SUSD4: variants seen among roughly 807,000 people sequenced by gnomAD.
The protein encoded by SUSD4 is sushi domain-containing protein 4.
In SUSD4, 41 loss-of-function variants were observed where a neutral mutation model predicts 50.5. That is an observed-to-expected ratio of 0.81 (90% CI 0.63 to 1.05). SUSD4 has a LOEUF of 1.05. Among genes scored for constraint, SUSD4 ranks in the 50% least tolerant of loss-of-function variants. The pLI, the probability that SUSD4 is intolerant of heterozygous loss-of-function variation, is 0.00. For synonymous variants in SUSD4, 257 were observed against 257.3 expected, an observed-to-expected ratio of 1.00 and a Z score of 0.01; for missense variants, 580 against 634.7, an observed-to-expected ratio of 0.91 and a Z score of 0.93.
chr1:223,359,629 A>G (rs1204508264), intron 2 of SUSD4, among the ~76,000 whole-genome samples: 15 of 152,228 alleles, frequency 9.9e-5, no homozygotes, highest in Non-Finnish European at 7.3e-5. Flanking sequence ...TTAGCTGAAC[A>G]TCTACTGTGT....
In SUSD4 at chr1:223,221,887, G is replaced by A. The variant is rs1405389037; in HGVS notation, c.*305C>T. The A allele has an allele frequency of 6.3e-6, 2 of 317,988 alleles. No individual in the cohort carries two copies. Among genetic ancestry groups the A allele is most frequent in the South Asian group, 1.2e-4 (1 of 8,288 alleles). 19.7% of individuals were successfully genotyped at this position (317,988 alleles called of 1,614,324 possible). On this transcript the variant is annotated 3_prime_UTR_variant, in exon 9 of 9. Transcript: ENST00000366878. The stretch of plus-strand genomic sequence containing the variant: ...TGCGTGATGATTCGGTGGGATGTGC[G>A]TGGAATTGTCCCATGTTCCACAGCA...
At chr1:223,290,657 G>A (rs563307659) in intron 3 of SUSD4, among the ~76,000 whole-genome samples, 1 of 151,710 alleles carries the variant, frequency 6.6e-6, no homozygotes, top group African/African-American at 2.4e-5. Context: ...TGAGTGTTAA[G>A]AACTGTACAT....
In SUSD4 at chr1:223,304,246, G is replaced by A. The variant is rs189183141; in HGVS notation, c.149-11595C>T. ...GTTAAACCTCCCTGACTTCAGGTCCGTTCACAGGCTCTCTGCAGGGGGAAG... is the reference window on the plus strand; with the variant it reads ...GTTAAACCTCCCTGACTTCAGGTCCATTCACAGGCTCTCTGCAGGGGGAAG... On this transcript the variant is annotated intron_variant, in intron 2 of 8. Coordinates refer to ENST00000366878, the MANE Select transcript of SUSD4 (RefSeq NM_017982.4). Among the ~76,000 whole-genome samples the A allele has an allele frequency of 5.9e-5, 9 of 152,276 alleles. No individual in the cohort carries two copies. In the East Asian group the frequency reaches 1.5e-3, roughly 26 times the overall value.
chr1:223,246,471 C>T (rs1323877441), intron 5 of SUSD4, among the ~76,000 whole-genome samples: 4 of 151,680 alleles, frequency 2.6e-5, no homozygotes, highest in African/African-American at 9.7e-5. Flanking sequence ...GAGAGCCCCG[C>T]CCCCACCCCA....
chr1:223,351,054 CTTAT>C lies in SUSD4; in HGVS notation c.148+12220_148+12223del, dbSNP rs569088544. On this transcript the variant is annotated intron_variant, in intron 2 of 8. Coordinates refer to ENST00000366878, the MANE Select transcript of SUSD4 (RefSeq NM_017982.4). ...CTTCTGTGTGTTTCTATAGATTTAACTTATTTAATTCTCACAACAGTTCTATAAC... is the reference window on the plus strand; with the variant it reads ...CTTCTGTGTGTTTCTATAGATTTAACTTAATTCTCACAACAGTTCTATAAC... Among the ~76,000 whole-genome samples, 792 of 152,322 alleles carry C rather than the reference CTTAT, an allele frequency of 5.2e-3. 3 individuals carry two copies. The highest frequency in any genetic ancestry group is 0.01 in the Middle Eastern group (3 of 294).
intron 2 of SUSD4, among the ~76,000 whole-genome samples, chr1:223,320,245 A>G (rs1290493967): frequency 2.0e-5 from 3 of 152,200 alleles, no homozygotes. Flanking sequence ...CAACATCTCA[A>G]TAAATATCGC....
chr1:223,324,559 G>A (rs1377259309), intron 2 of SUSD4, among the ~76,000 whole-genome samples: 2 of 151,992 alleles, frequency 1.3e-5, no homozygotes, highest in Non-Finnish European at 2.9e-5. Context: ...CTCCAAAGAT[G>A]CTGGATCAGT....
chr1:223,224,504 G>A (rs1659360102), intron 7 of SUSD4, among the ~76,000 whole-genome samples: 1 of 152,008 alleles, frequency 6.6e-6, no homozygotes, highest in Non-Finnish European at 1.5e-5. Flanking sequence ...AAGGAAAGAA[G>A]GAAAAAAAAG....
At chr1:223,301,628 C>G (rs993972072) in intron 2 of SUSD4, among the ~76,000 whole-genome samples, 1 of 152,192 alleles carries the variant, frequency 6.6e-6, no homozygotes, top group Non-Finnish European at 1.5e-5. Flanking sequence ...TTTCTCATCA[C>G]CAGCAATGCA....
At chr1:223,356,221 T>C (rs1668660241) in intron 2 of SUSD4, among the ~76,000 whole-genome samples, 1 of 152,038 alleles carries the variant, frequency 6.6e-6, no homozygotes, top group Non-Finnish European at 1.5e-5. Context: ...TACGGCATCC[T>C]TTTCTTGAGA....
intron 2 of SUSD4, 97 bp downstream of exon 2, chr1:223,363,181 G>T (rs2102610886): frequency 7.6e-7 from 1 of 1,310,704 alleles, no homozygotes; most frequent in East Asian, 2.8e-5. Flanking sequence ...CTGAAGTCTG[G>T]GTGTATGGGG....
At chr1:223,243,983 A>AT (rs1286156097) in intron 5 of SUSD4, among the ~76,000 whole-genome samples, 3 of 152,232 alleles carry the variant, frequency 2.0e-5, no homozygotes, top group Non-Finnish European at 4.4e-5. Context: ...TTTAACAAAT[A>AT]TTTTTTGGAC....
chr1:223,244,399 A>G (rs913753782), intron 5 of SUSD4, among the ~76,000 whole-genome samples: 28 of 152,182 alleles, frequency 1.8e-4, no homozygotes, highest in Admixed American at 1.2e-3. Context: ...GAGGCCAGGA[A>G]AAGGGCCCGG....
intron 5 of SUSD4, among the ~76,000 whole-genome samples, chr1:223,249,731 A>G (rs185172089): frequency 2.0e-5 from 3 of 152,372 alleles, no homozygotes; most frequent in African/African-American, 7.2e-5. Context: ...TAAAGTTTAC[A>G]TGATAGAATT....
intron 2 of SUSD4, among the ~76,000 whole-genome samples, chr1:223,324,603 A>T (rs1379415615): frequency 6.6e-6 from 1 of 151,720 alleles, no homozygotes; most frequent in Non-Finnish European, 1.5e-5. Flanking sequence ...TCCTCTCTCA[A>T]GATCAGTCTG....
intron 5 of SUSD4, chr1:223,263,994 C>T: frequency 3.0e-6 from 3 of 985,462 alleles, no homozygotes; most frequent in Middle Eastern, 5.2e-4. Context: ...AAAGCAAGAG[C>T]TGAACCAGCA....
intron 3 of SUSD4, among the ~76,000 whole-genome samples, chr1:223,269,042 T>A (rs1662725405): frequency 6.6e-6 from 1 of 152,232 alleles, no homozygotes; most frequent in Non-Finnish European, 1.5e-5. Context: ...CTTTACTGTG[T>A]TTGTGGACAG....
chr1:223,273,237 A>G (rs1269361558), intron 3 of SUSD4, among the ~76,000 whole-genome samples: 3 of 152,208 alleles, frequency 2.0e-5, no homozygotes, highest in Non-Finnish European at 4.4e-5. Context: ...AAGGGGAGGG[A>G]CAGGCCAGAT....
chr1:223,263,126 G>GT (rs1662238016), intron 5 of SUSD4, among the ~76,000 whole-genome samples: 1 of 152,128 alleles, frequency 6.6e-6, no homozygotes, highest in Non-Finnish European at 1.5e-5. Context: ...TGATAAAATC[G>GT]TAACAACGAT....
Sources: gnomAD v4.1 joint callset for allele counts (sites outside exome capture counted in the v4.1 genomes callset) on GRCh38, gnomAD v4.1.1 for gene constraint, MANE v1.5 for transcripts, NCBI Gene and HGNC (gene_info 2026-07-23, HGNC 2026-07-21) for gene names.